Variants in WASF1 observed in about 807,000 individuals in gnomAD.
The protein encoded by WASF1 is WASP family member 1.
In WASF1, 7 loss-of-function variants were observed where a neutral mutation model predicts 50.5. The ratio of observed to expected loss-of-function variants is 0.14; its 90% CI spans 0.08 to 0.26. WASF1 has a LOEUF of 0.26. Among genes scored for constraint, WASF1 ranks in the 10% least tolerant of loss-of-function variants. The pLI is 1.00. For missense variants in WASF1, 470 were observed against 694.7 expected (o/e 0.68, Z 3.64); for synonymous variants, 205 against 244.0 (o/e 0.84, Z 1.49).
chr6:110,142,513 A>G (rs1239525267), intron 3 of WASF1, among the ~76,000 whole-genome samples: 1 of 152,204 alleles, frequency 6.6e-6, no homozygotes, highest in Non-Finnish European at 1.5e-5. Flanking sequence ...AAAGTAAAAT[A>G]AAGCCTAATA....
At chr6:110,141,766 ACTTAT>A (rs1252553168) in intron 3 of WASF1, among the ~76,000 whole-genome samples, 1 of 151,364 alleles carries the variant, frequency 6.6e-6, no homozygotes, top group Non-Finnish European at 1.5e-5. Flanking sequence ...ACACACATAC[ACTTAT>A]CTTTTTTTTT....
intron 3 of WASF1, among the ~76,000 whole-genome samples, chr6:110,138,635 T>C (rs1175566733): frequency 6.6e-6 from 1 of 152,100 alleles, no homozygotes; most frequent in African/African-American, 2.4e-5. Context: ...CAGGAGTGGG[T>C]AGCTCTTCTC....
intron 2 of WASF1, among the ~76,000 whole-genome samples, chr6:110,175,832 A>C (rs182075982): frequency 6.1e-4 from 93 of 152,278 alleles, no homozygotes; most frequent in Non-Finnish European, 1.1e-3. Flanking sequence ...AGATCCTAGC[A>C]TTTCAGGGTA....
In WASF1 at chr6:110,100,396, G is replaced by A; in HGVS notation, c.*126C>T. 1 of 874,354 alleles carries A rather than the reference G, an allele frequency of 1.1e-6. No homozygotes were observed. The highest frequency in any genetic ancestry group is 1.6e-6 in the Non-Finnish European group (1 of 617,416). 54.2% of individuals were successfully genotyped at this position (874,354 alleles called of 1,614,324 possible). On this transcript the variant is annotated 3_prime_UTR_variant, in exon 11 of 11. Coordinates refer to ENST00000392589, the MANE Select transcript of WASF1 (RefSeq NM_003931.3). ...TTTTCCTTAGAAATCAAAAGTTATG[G>A]AGGAAAAGGGTCATTTATTATAAGG...
rs1777041282 is a variant in WASF1, at chr6:110,178,645, T to C, written c.-174A>G. 6.6e-6 allele frequency: 1 copy of C among 152,576 alleles called. No individual in the cohort carries two copies. Among genetic ancestry groups the C allele is most frequent in the Non-Finnish European group, 1.5e-5 (1 of 68,022 alleles). The allele number at this position is 152,576 out of a possible 1,614,324, so 9.5% of individuals were successfully genotyped here. A position where few individuals can be genotyped will look rare whatever the true frequency, so the allele number is the denominator to read the frequency against. ...AATTAATCGGTTATAGGGCAGGACG[T>C]GAATGTTGAGATCGGATGTGCTTTC... On this transcript the variant is annotated 5_prime_UTR_variant, in exon 2 of 11. Transcript: ENST00000392589.
chr6:110,107,746 A>G (rs1009816653), intron 6 of WASF1, among the ~76,000 whole-genome samples: 1 of 152,216 alleles, frequency 6.6e-6, no homozygotes, highest in African/African-American at 2.4e-5. Flanking sequence ...CATTTAACAA[A>G]CCATGTGAAA....
At chr6:110,141,121 T>C (rs1216845941) in intron 3 of WASF1, among the ~76,000 whole-genome samples, 1 of 152,156 alleles carries the variant, frequency 6.6e-6, no homozygotes, top group Non-Finnish European at 1.5e-5. Context: ...AAACCATGAA[T>C]GAAAGGGGGA....
chr6:110,145,670 G>T (rs1029831781), intron 3 of WASF1, among the ~76,000 whole-genome samples: 1 of 152,074 alleles, frequency 6.6e-6, no homozygotes, highest in East Asian at 1.9e-4. Flanking sequence ...TTAGCATGAA[G>T]GGTTGCTGAA....
At chr6:110,153,750 C>T (rs925765183) in intron 3 of WASF1, among the ~76,000 whole-genome samples, 2 of 151,082 alleles carry the variant, frequency 1.3e-5, no homozygotes, top group African/African-American at 4.9e-5. Context: ...CAATGTGCTG[C>T]TACATTCCAG....
chr6:110,176,665 T>C (rs541428952), intron 2 of WASF1, among the ~76,000 whole-genome samples: 1 of 152,254 alleles, frequency 6.6e-6, no homozygotes, highest in South Asian at 2.1e-4. Flanking sequence ...GAGCCCCTGC[T>C]ATTTGTTAAA....
intron 4 of WASF1, among the ~76,000 whole-genome samples, chr6:110,126,864 T>C (rs868488760): frequency 2.0e-5 from 3 of 152,222 alleles, no homozygotes; most frequent in Non-Finnish European, 2.9e-5. Flanking sequence ...CCTCTTTCAC[T>C]GGCCTTTATT....
chr6:110,178,401 G>A (rs1334757772), intron 2 of WASF1, among the ~76,000 whole-genome samples, 197 bp downstream of exon 2: 3 of 152,128 alleles, frequency 2.0e-5, no homozygotes, highest in Non-Finnish European at 4.4e-5. Flanking sequence ...AAAAATGAAT[G>A]TTACCTACCA....
chr6:110,132,367 T>C (rs1301224362), intron 3 of WASF1, among the ~76,000 whole-genome samples: 1 of 151,786 alleles, frequency 6.6e-6, no homozygotes, highest in Non-Finnish European at 1.5e-5. Context: ...TAATCTTTAA[T>C]ACAATGTGAA....
At chr6:110,169,399 A>AT (rs1307350380) in intron 2 of WASF1, among the ~76,000 whole-genome samples, 3 of 152,170 alleles carry the variant, frequency 2.0e-5, no homozygotes, top group African/African-American at 7.2e-5. Context: ...GCACCAAATC[A>AT]CTTAGGATTT....
chr6:110,111,924 C>G (rs948636304), intron 5 of WASF1, among the ~76,000 whole-genome samples: 5 of 151,950 alleles, frequency 3.3e-5, no homozygotes, highest in Non-Finnish European at 7.4e-5. Context: ...GGGTGAACTG[C>G]AAGGTATACG....
intron 4 of WASF1, among the ~76,000 whole-genome samples, chr6:110,117,881 T>A (rs1359924632): frequency 6.6e-6 from 1 of 152,082 alleles, no homozygotes; most frequent in African/African-American, 2.4e-5. Context: ...AGAAAAGAAT[T>A]TTCAACCCAG....
chr6:110,137,614 A>C (rs1311723072), intron 3 of WASF1, among the ~76,000 whole-genome samples: 30 of 152,184 alleles, frequency 2.0e-4, no homozygotes. Flanking sequence ...AATGTTGCAC[A>C]TGACGAAAGG....
intron 2 of WASF1, among the ~76,000 whole-genome samples, chr6:110,161,563 T>C (rs577382482): frequency 2.6e-4 from 40 of 151,750 alleles, no homozygotes; most frequent in African/African-American, 9.4e-4. Context: ...TCAAGATATG[T>C]GAGACCTCAT....
chr6:110,167,512 C>T (rs578238476), intron 2 of WASF1, among the ~76,000 whole-genome samples: 2 of 151,968 alleles, frequency 1.3e-5, no homozygotes, highest in African/African-American at 4.8e-5. Context: ...GTCTCCTTTG[C>T]TAGTGCATCC....
Sources: allele counts gnomAD v4.1 joint callset (sites outside exome capture counted in the v4.1 genomes callset), GRCh38; gene constraint gnomAD v4.1.1; transcripts MANE v1.5; gene names NCBI Gene and HGNC (gene_info 2026-07-23, HGNC 2026-07-21).